Variants in TTC28 observed in about 807,000 individuals in gnomAD.
TTC28 encodes tetratricopeptide repeat domain 28.
A neutral mutation model predicts 198.0 loss-of-function variants in TTC28; 61 were observed. The ratio of observed to expected loss-of-function variants is 0.31; its 90% confidence interval spans 0.25 to 0.38. TTC28 has a LOEUF of 0.38. TTC28 is among the 10% of genes least tolerant of loss of function. The pLI is 1.00. For synonymous variants in TTC28, 1,171 were observed against 1,297.8 expected (o/e 0.90, Z 2.10); for missense variants, 2,678 against 3,164.0 (o/e 0.85, Z 3.69).
chr22:28,265,150 T>C (rs1931599017), intron 5 of TTC28, among the ~76,000 whole-genome samples: 1 of 152,202 alleles, frequency 6.6e-6, no homozygotes, highest in African/African-American at 2.4e-5. Flanking sequence ...TCATTGTTTT[T>C]ATGTGTTTTG....
At chr22:28,540,984 CAAGAA>C (rs2049399458) in intron 2 of TTC28, among the ~76,000 whole-genome samples, 1 of 152,136 alleles carries the variant, frequency 6.6e-6, no homozygotes. Flanking sequence ...TGAAAGGCAA[CAAGAA>C]AAGATCAAAC....
chr22:28,396,577 T>C (rs1393337312), intron 2 of TTC28, among the ~76,000 whole-genome samples: 4 of 152,182 alleles, frequency 2.6e-5, no homozygotes, highest in African/African-American at 9.7e-5. Flanking sequence ...CCCTTTAACA[T>C]TGGTGCTCCC....
intron 2 of TTC28, among the ~76,000 whole-genome samples, chr22:28,335,271 T>G (rs934203701): frequency 4.6e-5 from 7 of 152,210 alleles, no homozygotes; most frequent in African/African-American, 1.7e-4. Context: ...TGTAGTATAG[T>G]TGGAAGTCAG....
intron 2 of TTC28, among the ~76,000 whole-genome samples, chr22:28,529,437 G>C (rs1257143770): frequency 1.3e-5 from 2 of 152,202 alleles, no homozygotes; most frequent in Admixed American, 1.3e-4. Context: ...GTCCACCACA[G>C]CTCAAAGAGG....
intron 2 of TTC28, among the ~76,000 whole-genome samples, chr22:28,492,512 AAAAC>A (rs1287815720): frequency 6.6e-6 from 1 of 152,184 alleles, no homozygotes; most frequent in Non-Finnish European, 1.5e-5. Context: ...CAAGGACCAA[AAAAC>A]AAACAAACAA....
At chr22:28,654,824 G>A (rs2051618882) in intron 1 of TTC28, among the ~76,000 whole-genome samples, 1 of 152,100 alleles carries the variant, frequency 6.6e-6, no homozygotes, top group South Asian at 2.1e-4. Flanking sequence ...TCCCTCAAAT[G>A]TTCATCATAT....
chr22:28,261,460 T>C (rs942883375), intron 5 of TTC28, among the ~76,000 whole-genome samples: 22 of 151,978 alleles, frequency 1.4e-4, no homozygotes, highest in Admixed American at 1.1e-3. Context: ...CTCCGAAAGG[T>C]CTTGTAAGGC....
intron 2 of TTC28, among the ~76,000 whole-genome samples, chr22:28,349,150 G>A (rs1360706845): frequency 1.3e-5 from 2 of 151,980 alleles, no homozygotes; most frequent in Non-Finnish European, 2.9e-5. Flanking sequence ...ACCTTCCCAA[G>A]TTCATCAGTT....
At chr22:28,059,556 G>C (rs1467120982) in intron 12 of TTC28, among the ~76,000 whole-genome samples, 2 of 151,898 alleles carry the variant, frequency 1.3e-5, no homozygotes, top group Admixed American at 1.3e-4. Flanking sequence ...TGGTGTTTTT[G>C]TATCATCTAT....
chr22:28,315,379 A>G (rs1377646589), intron 2 of TTC28, among the ~76,000 whole-genome samples: 1 of 152,078 alleles, frequency 6.6e-6, no homozygotes, highest in Non-Finnish European at 1.5e-5. Context: ...ATATTGCTTC[A>G]GAGGGACAGG....
At chr22:28,407,472 G>GCGCA (rs372668087) in intron 2 of TTC28, among the ~76,000 whole-genome samples, 9 of 148,754 alleles carry the variant, frequency 6.1e-5, no homozygotes, top group East Asian at 5.9e-4. Context: ...ACATGCGTGC[G>GCGCA]CACACACACA....
At chr22:28,317,362 T>C (rs1326318744) in intron 2 of TTC28, among the ~76,000 whole-genome samples, 1 of 152,224 alleles carries the variant, frequency 6.6e-6, no homozygotes, top group Non-Finnish European at 1.5e-5. Flanking sequence ...CTTATGAATC[T>C]TTATATCCTG....
chr22:28,066,798 G>A (rs1940773529), intron 12 of TTC28, among the ~76,000 whole-genome samples: 1 of 152,024 alleles, frequency 6.6e-6, no homozygotes, highest in East Asian at 1.9e-4. Flanking sequence ...CCTCTTCATG[G>A]CCTCCTGGGG....
intron 2 of TTC28, among the ~76,000 whole-genome samples, chr22:28,344,700 T>C (rs2045880569): frequency 6.6e-6 from 1 of 152,104 alleles, no homozygotes; most frequent in African/African-American, 2.4e-5. Context: ...CCTGAAGGTA[T>C]CAGAAAACAA....
chr22:28,326,581 T>G (rs922034227), intron 2 of TTC28, among the ~76,000 whole-genome samples: 1 of 152,130 alleles, frequency 6.6e-6, no homozygotes, highest in African/African-American at 2.4e-5. Context: ...ACTAAATGAG[T>G]CAGTTAAGAT....
chr22:28,011,306 T>C (rs1195240292), intron 14 of TTC28, among the ~76,000 whole-genome samples: 1 of 152,204 alleles, frequency 6.6e-6, no homozygotes, highest in Non-Finnish European at 1.5e-5. Flanking sequence ...TTAAAAAATA[T>C]ATATTTTCGC....
chr22:28,625,945 A>C (rs965333035), intron 2 of TTC28, among the ~76,000 whole-genome samples: 2 of 152,168 alleles, frequency 1.3e-5, no homozygotes, highest in African/African-American at 4.8e-5. Context: ...TGGAAAGGAT[A>C]ATCTTTAAAA....
intron 2 of TTC28, among the ~76,000 whole-genome samples, chr22:28,326,032 A>T (rs2045524332): frequency 6.6e-6 from 1 of 152,140 alleles, no homozygotes; most frequent in South Asian, 2.1e-4. Context: ...CCAGTATATG[A>T]ATATTTATAG....
chr22:27,989,544 AAG>A (rs1345942147), intron 21 of TTC28, among the ~76,000 whole-genome samples: 1 of 152,022 alleles, frequency 6.6e-6, no homozygotes, highest in Non-Finnish European at 1.5e-5. Flanking sequence ...TTGGAAGAAA[AAG>A]AGAGATCCTC....
Sources: allele counts gnomAD v4.1 joint callset (sites outside exome capture counted in the v4.1 genomes callset), GRCh38; gene constraint gnomAD v4.1.1; transcripts MANE v1.5; gene names NCBI Gene and HGNC (gene_info 2026-07-23, HGNC 2026-07-21).